The following GTF2A1L variants were observed in gnomAD, a reference collection of about 807,000 sequenced individuals.
The protein encoded by GTF2A1L is TFIIA-alpha and beta-like factor.
A neutral mutation model predicts 49.7 loss-of-function variants in GTF2A1L; 48 were observed. That is an observed-to-expected ratio of 0.97 (90% confidence interval 0.77 to 1.23). The LOEUF (loss-of-function observed/expected upper bound fraction) is 1.23, where lower values mean the gene tolerates loss of function less well. GTF2A1L is among the 50% of genes most tolerant of loss of function. GTF2A1L has a pLI of 0.00. For missense variants in GTF2A1L, 736 were observed against 564.8 expected, an observed-to-expected ratio of 1.30 and a Z score of -3.07; for synonymous variants, 246 against 193.5, an observed-to-expected ratio of 1.27 and a Z score of -2.25.
At position 48,630,105 on chromosome 2, in the gene GTF2A1L, T is replaced by G. The variant is rs369781496; in HGVS notation, c.247+8815T>G. Among the ~76,000 whole-genome samples, 36 of 144,664 alleles carry G rather than the reference T, an allele frequency of 2.5e-4. 3 individuals carry two copies. The highest frequency in any genetic ancestry group is 8.3e-4 in the African/African-American group (34 of 40,750). The allele number at this position is 144,664 out of a possible 152,430, so 94.9% of individuals were successfully genotyped here. On this transcript the variant is annotated intron_variant, in intron 3 of 8. Transcript: ENST00000403751. The stretch of plus-strand genomic sequence containing the variant: ...GATTGTTTTGGCTGTTCAGGCTCCT[T>G]GTTGGTTCCATATGAATTTTAGAAC...
intron 8 of GTF2A1L, among the ~76,000 whole-genome samples, chr2:48,676,812 TATCTATATCTATATCTATATC>T (rs1345536178): frequency 6.6e-6 from 1 of 150,778 alleles, no homozygotes; most frequent in African/African-American, 2.4e-5. Flanking sequence ...TATATCTATA[TATCTATATCTATATCTATATC>T]ATCTATATCT....
intron 3 of GTF2A1L, among the ~76,000 whole-genome samples, chr2:48,621,792 G>T (rs1676013273): frequency 6.6e-6 from 1 of 152,186 alleles, no homozygotes; most frequent in Admixed American, 6.5e-5. Flanking sequence ...AATTGATCAT[G>T]TGCATTTATC....
At chr2:48,634,295 A>G (rs1019678071) in intron 3 of GTF2A1L, among the ~76,000 whole-genome samples, 43 of 152,118 alleles carry the variant, frequency 2.8e-4, no homozygotes. Flanking sequence ...TATTTTTAGT[A>G]GAGACGGGAT....
rs918249514 is a variant in GTF2A1L at position 48,619,486 on chromosome 2, T to A, written c.22-1365T>A. Among the ~76,000 whole-genome samples the A allele has an allele frequency of 9.1e-3, 1,346 of 148,242 alleles. 18 individuals carry two copies. The highest frequency in any genetic ancestry group is 0.032 in the African/African-American group (1,283 of 40,120). Reference sequence around the variant, plus strand: ...CTCCATCTCAAAAAAAAAAAAATAATAATAATAATAAAAAAAAAGCACAGC... The same window carrying A: ...CTCCATCTCAAAAAAAAAAAAATAAAAATAATAATAAAAAAAAAGCACAGC... On this transcript the variant is annotated intron_variant, in intron 1 of 8. Coordinates refer to ENST00000403751, the MANE Select transcript of GTF2A1L (RefSeq NM_006872.5).
At chr2:48,674,862 C>G (rs2104320935) in intron 8 of GTF2A1L, among the ~76,000 whole-genome samples, 1 of 152,076 alleles carries the variant, frequency 6.6e-6, no homozygotes, top group East Asian at 1.9e-4. Context: ...GCTAACAAAT[C>G]TAGTATCTGA....
intron 3 of GTF2A1L, among the ~76,000 whole-genome samples, chr2:48,624,459 TATAGATAG>T (rs3077611): frequency 8.6e-5 from 12 of 138,742 alleles, no homozygotes; most frequent in East Asian, 4.0e-4. Flanking sequence ...AGTGCTTTGA[TATAGATAG>T]ATAGATAGAT....
At chr2:48,677,076 TTGTC>T (rs1679507227) in intron 8 of GTF2A1L, among the ~76,000 whole-genome samples, 1 of 151,950 alleles carries the variant, frequency 6.6e-6, no homozygotes, top group Admixed American at 6.6e-5. Flanking sequence ...TTCCATTGGT[TTGTC>T]TGTCCATAGG....
chr2:48,623,802 A>T (rs1404340596), intron 3 of GTF2A1L, among the ~76,000 whole-genome samples: 5 of 152,212 alleles, frequency 3.3e-5, no homozygotes, highest in Non-Finnish European at 1.5e-5. Flanking sequence ...AAGTGAATTA[A>T]CACAGGAACA....
chr2:48,654,091 G>A (rs1302316939), intron 6 of GTF2A1L, among the ~76,000 whole-genome samples: 1 of 152,120 alleles, frequency 6.6e-6, no homozygotes, highest in Non-Finnish European at 1.5e-5. Context: ...AATGTATGGT[G>A]GAATTTTGCA....
In GTF2A1L at chr2:48,669,713, T is replaced by A; in HGVS notation, c.979-9T>A. 1 of 1,596,612 alleles carries A rather than the reference T, an allele frequency of 6.3e-7. No individual in the cohort carries two copies. The highest frequency in any genetic ancestry group is 8.5e-7 in the Non-Finnish European group (1 of 1,170,418). On this transcript the variant is annotated splice_polypyrimidine_tract_variant and intron_variant, in intron 6 of 8. Coordinates refer to ENST00000403751, the MANE Select transcript of GTF2A1L (RefSeq NM_006872.5). ...ACTTGAACTTTATTGTATTTCTTTCTCTTTTTAGGATTCTAATTCTCAGGT... is the reference window on the plus strand; with the variant it reads ...ACTTGAACTTTATTGTATTTCTTTCACTTTTTAGGATTCTAATTCTCAGGT...
chr2:48,663,799 C>G (rs1678654968), intron 6 of GTF2A1L, among the ~76,000 whole-genome samples: 1 of 152,176 alleles, frequency 6.6e-6, no homozygotes, highest in South Asian at 2.1e-4. Flanking sequence ...ACAACCATAC[C>G]TGGCTAATTT....
At chr2:48,648,799 G>A (rs68098988) in intron 6 of GTF2A1L, among the ~76,000 whole-genome samples, 32,051 of 151,968 alleles carry the variant, frequency 0.21, 3,807 homozygotes, top group Middle Eastern at 0.39. Context: ...TTTAAAAAAG[G>A]TCTATGTCTA....
At chr2:48,666,611 G>T (rs1315687603) in intron 6 of GTF2A1L, among the ~76,000 whole-genome samples, 1 of 150,904 alleles carries the variant, frequency 6.6e-6, no homozygotes, top group African/African-American at 2.4e-5. Context: ...GTGTGTGTGT[G>T]TTTGTGTGTG....
At chr2:48,617,923 A>G in intron 1 of GTF2A1L, 28 bp downstream of exon 1, 1 of 1,551,500 alleles carries the variant, frequency 6.4e-7, no homozygotes. Context: ...CTCTGTGTAG[A>G]GGGAGCGCCC....
intron 1 of GTF2A1L, among the ~76,000 whole-genome samples, chr2:48,619,730 A>G (rs1473544384): frequency 1.3e-5 from 2 of 152,140 alleles, no homozygotes; most frequent in Non-Finnish European, 1.5e-5. Context: ...TAGCATTGCC[A>G]TTTTGGCCTG....
chr2:48,646,431 A>T (rs887045726), intron 5 of GTF2A1L, 22 bp from the exon 6 acceptor site: 1 of 1,537,742 alleles, frequency 6.5e-7, no homozygotes, highest in African/African-American at 1.4e-5. Flanking sequence ...TATACTTACA[A>T]TTTTGCTTTC....
intron 6 of GTF2A1L, among the ~76,000 whole-genome samples, chr2:48,666,269 G>T (rs775804418): frequency 6.6e-6 from 1 of 151,246 alleles, no homozygotes; most frequent in Non-Finnish European, 1.5e-5. Flanking sequence ...GCAGTGGCGC[G>T]ATCTCAGCTC....
intron 1 of GTF2A1L, 91 bp downstream of exon 1, chr2:48,617,986 C>A: frequency 7.7e-7 from 1 of 1,290,886 alleles, no homozygotes; most frequent in Non-Finnish European, 1.1e-6. Context: ...TTCCCCCTGA[C>A]ACTTTACAGA....
At chr2:48,663,839 C>T (rs1413024576) in intron 6 of GTF2A1L, among the ~76,000 whole-genome samples, 1 of 152,098 alleles carries the variant, frequency 6.6e-6, no homozygotes, top group Non-Finnish European at 1.5e-5. Context: ...TCTTGAACTC[C>T]TGAACTCAAG....
Sources: gnomAD v4.1 joint callset for allele counts (sites outside exome capture counted in the v4.1 genomes callset) on GRCh38, gnomAD v4.1.1 for gene constraint, MANE v1.5 for transcripts, NCBI Gene and HGNC (gene_info 2026-07-23, HGNC 2026-07-21) for gene names.